The following ARB2A variants were observed in gnomAD, a reference collection of about 807,000 sequenced individuals.
ARB2A encodes cotranscriptional regulator ARB2A.
At chr5:93,629,606 GA>G in the ARB2A span, among the ~76,000 whole-genome samples, 2 of 152,050 alleles carry the variant, frequency 1.3e-5, no homozygotes, top group Non-Finnish European at 2.9e-5. Context: ...CTTTGAATAT[GA>G]AAGATCATCT....
At chr5:93,828,177 T>A in the ARB2A span, among the ~76,000 whole-genome samples, 1 of 152,196 alleles carries the variant, frequency 6.6e-6, no homozygotes, top group Non-Finnish European at 1.5e-5. Context: ...ATAAATTACC[T>A]TGGGCAGTAT....
the ARB2A span, among the ~76,000 whole-genome samples, chr5:93,938,702 G>GGA: frequency 2.0e-5 from 3 of 152,196 alleles, no homozygotes; most frequent in South Asian, 2.1e-4. Flanking sequence ...AATGCATCCT[G>GGA]GAGAGAGAGA....
At chr5:93,799,811 A>G in the ARB2A span, among the ~76,000 whole-genome samples, 1 of 152,122 alleles carries the variant, frequency 6.6e-6, no homozygotes, top group Non-Finnish European at 1.5e-5. Flanking sequence ...ATCTATTACT[A>G]AAGATCTGAG....
At chr5:93,930,727 T>C in the ARB2A span, among the ~76,000 whole-genome samples, 2 of 152,192 alleles carry the variant, frequency 1.3e-5, no homozygotes, top group Non-Finnish European at 2.9e-5. Context: ...TTATTTAAAA[T>C]AAATTTCAAA....
chr5:93,794,001 T>A, the ARB2A span, among the ~76,000 whole-genome samples: 2 of 152,272 alleles, frequency 1.3e-5, no homozygotes, highest in South Asian at 4.1e-4. Context: ...AGCTGAAGGA[T>A]GTCTGCTGAG....
the ARB2A span, among the ~76,000 whole-genome samples, chr5:93,728,038 G>C: frequency 3.9e-5 from 6 of 152,060 alleles, no homozygotes; most frequent in African/African-American, 1.4e-4. Context: ...AGTATTCACA[G>C]ATGGAAGCAA....
chr5:93,679,470 T>C, the ARB2A span, among the ~76,000 whole-genome samples: 1 of 152,248 alleles, frequency 6.6e-6, no homozygotes, highest in South Asian at 2.1e-4. Flanking sequence ...TTAAAAATGA[T>C]ATACTTCAAA....
chr5:93,883,407 G>A, the ARB2A span, among the ~76,000 whole-genome samples: 1 of 29,686 alleles, frequency 3.4e-5, no homozygotes, highest in Non-Finnish European at 9.2e-5. Flanking sequence ...CAAAGCAAAA[G>A]AGAATTTTTT....
the ARB2A span, among the ~76,000 whole-genome samples, chr5:94,046,103 G>C: frequency 6.6e-6 from 1 of 152,156 alleles, no homozygotes; most frequent in South Asian, 2.1e-4. Flanking sequence ...AGTATAAACT[G>C]TGAATGAAGA....
chr5:93,646,857 C>G, the ARB2A span, among the ~76,000 whole-genome samples: 1 of 152,024 alleles, frequency 6.6e-6, no homozygotes, highest in Non-Finnish European at 1.5e-5. Context: ...TAATTTCAAA[C>G]TTACAAAGAA....
At chr5:93,987,360 A>ATT in the ARB2A span, among the ~76,000 whole-genome samples, 2 of 152,194 alleles carry the variant, frequency 1.3e-5, no homozygotes, top group Non-Finnish European at 2.9e-5. Flanking sequence ...AGTTTGGCTA[A>ATT]ACCTAAAAGG....
At chr5:93,675,693 G>C in the ARB2A span, among the ~76,000 whole-genome samples, 2 of 152,300 alleles carry the variant, frequency 1.3e-5, no homozygotes, top group South Asian at 4.1e-4. Context: ...TGGTGAAAAT[G>C]AGCAGAAAAT....
the ARB2A span, among the ~76,000 whole-genome samples, chr5:93,905,564 G>A: frequency 6.6e-5 from 10 of 151,486 alleles, no homozygotes; most frequent in African/African-American, 2.4e-4. Context: ...AATCTAGTTA[G>A]CTGTACTGTT....
chr5:93,824,129 G>C, the ARB2A span: 1 of 1,554,242 alleles, frequency 6.4e-7, no homozygotes, highest in Non-Finnish European at 8.7e-7. Flanking sequence ...GAACTACAGA[G>C]AGTAAAATAA....
At chr5:93,812,645 C>T in the ARB2A span, among the ~76,000 whole-genome samples, 2 of 152,096 alleles carry the variant, frequency 1.3e-5, no homozygotes, top group African/African-American at 2.4e-5. Context: ...ATTGAGACTT[C>T]TGGAAATTTA....
At chr5:93,816,213 T>C in the ARB2A span, among the ~76,000 whole-genome samples, 6 of 152,144 alleles carry the variant, frequency 3.9e-5, no homozygotes, top group East Asian at 5.8e-4. Context: ...GGAATTTTAT[T>C]TGGGAGAGGG....
chr5:93,825,618 T>C, the ARB2A span, among the ~76,000 whole-genome samples: 1 of 152,182 alleles, frequency 6.6e-6, no homozygotes, highest in South Asian at 2.1e-4. Context: ...AGGCATGTCA[T>C]AGCAAGTTAG....
the ARB2A span, among the ~76,000 whole-genome samples, chr5:93,917,780 G>A: frequency 6.6e-6 from 1 of 152,134 alleles, no homozygotes; most frequent in African/African-American, 2.4e-5. Flanking sequence ...TGGGGGAATG[G>A]GGAGGGAGGA....
At chr5:93,703,648 C>G in the ARB2A span, among the ~76,000 whole-genome samples, 2 of 152,164 alleles carry the variant, frequency 1.3e-5, no homozygotes, top group African/African-American at 4.8e-5. Context: ...GTGATCAAGT[C>G]ACTAAATGAT....
Sources: gnomAD v4.1 joint callset for allele counts (sites outside exome capture counted in the v4.1 genomes callset) on GRCh38, gnomAD v4.1.1 for gene constraint, MANE v1.5 for transcripts, NCBI Gene and HGNC (gene_info 2026-07-23, HGNC 2026-07-21) for gene names.